Variants in ASCC2 observed in about 807,000 individuals in gnomAD.
ASCC2 encodes activating signal cointegrator 1 complex subunit 2, also known as ASC-1 complex subunit P100.
Under a neutral mutation model 93.5 loss-of-function variants are expected in ASCC2, and 42 were observed. The ratio of observed to expected loss-of-function variants is 0.45; its 90% CI spans 0.35 to 0.58. The LOEUF (loss-of-function observed/expected upper bound fraction) is 0.58, where lower values mean the gene tolerates loss of function less well. Ranked by LOEUF, ASCC2 falls within the 20% of genes least tolerant of loss-of-function variation. ASCC2 has a pLI of 0.00. For synonymous variants in ASCC2, 364 were observed against 384.2 expected (o/e 0.95, Z 0.62); for missense variants, 859 against 977.6 (o/e 0.88, Z 1.62).
intron 17 of ASCC2, 76 bp downstream of exon 17, chr22:29,793,283 GT>G (rs1347010021): frequency 6.3e-7 from 1 of 1,585,698 alleles, no homozygotes; most frequent in Non-Finnish European, 8.6e-7. Context: ...CCACATCTGT[GT>G]AAACAAGTGG....
At chr22:29,805,887 C>A (rs1280773677) in intron 12 of ASCC2, among the ~76,000 whole-genome samples, 1 of 151,792 alleles carries the variant, frequency 6.6e-6, no homozygotes, top group Non-Finnish European at 1.5e-5. Context: ...TGAAATCTTC[C>A]CACGTGACAC....
At chr22:29,833,809 G>A (rs2063440950) in intron 1 of ASCC2, among the ~76,000 whole-genome samples, 1 of 151,942 alleles carries the variant, frequency 6.6e-6, no homozygotes, top group Non-Finnish European at 1.5e-5. Context: ...TGAGCTACCA[G>A]CTGTGTCATA....
At chr22:29,814,796 C>T (rs1353560103) in intron 6 of ASCC2, 29 bp from the exon 7 acceptor site, 10 of 1,583,628 alleles carry the variant, frequency 6.3e-6, no homozygotes, top group Non-Finnish European at 7.8e-6. Context: ...GGCTCTCTCA[C>T]ATCATACTGA....
At chr22:29,800,425 C>G (rs1308659592) in intron 15 of ASCC2, among the ~76,000 whole-genome samples, 1 of 152,202 alleles carries the variant, frequency 6.6e-6, no homozygotes, top group Non-Finnish European at 1.5e-5. Context: ...TCACTCCCCA[C>G]TATATCCCCA....
intron 5 of ASCC2, among the ~76,000 whole-genome samples, chr22:29,820,442 G>A (rs1270096436): frequency 6.6e-6 from 1 of 151,910 alleles, no homozygotes; most frequent in Non-Finnish European, 1.5e-5. Context: ...GGTTACAGGC[G>A]TGAGCCACCT....
chr22:29,826,130 T>A (rs2062278442), intron 2 of ASCC2: 1 of 188,098 alleles, frequency 5.3e-6, no homozygotes, highest in Non-Finnish European at 1.1e-5. Context: ...AGCATAGTTT[T>A]CGGTCTTTAA....
At chr22:29,836,046 G>A (rs746689587) in intron 1 of ASCC2, among the ~76,000 whole-genome samples, 5 of 152,092 alleles carry the variant, frequency 3.3e-5, no homozygotes, top group African/African-American at 4.8e-5. Context: ...CCTGCAATCA[G>A]CACTTTGGGA....
chr22:29,827,477 G>A (rs1274140363), intron 2 of ASCC2: 2 of 427,630 alleles, frequency 4.7e-6, no homozygotes, highest in South Asian at 1.7e-5. Flanking sequence ...AGTGCCTTAC[G>A]CGAGTTTCCA....
At chr22:29,819,911 G>A (rs1437385533) in intron 5 of ASCC2, among the ~76,000 whole-genome samples, 2 of 152,144 alleles carry the variant, frequency 1.3e-5, no homozygotes, top group Non-Finnish European at 2.9e-5. Context: ...CCAGGCTGGA[G>A]TGTAGTGGTG....
Position 29,825,295 on chromosome 22 carries a change from T to G in ASCC2, c.241-38A>C. 1 of 1,505,784 alleles carries G rather than the reference T, an allele frequency of 6.6e-7. No homozygotes were observed. The highest frequency in any genetic ancestry group is 1.4e-5 in the South Asian group (1 of 73,660). 93.3% of individuals were successfully genotyped at this position (1,505,784 alleles called of 1,614,324 possible). A position where few individuals can be genotyped will look rare whatever the true frequency, so the allele number is the denominator to read the frequency against. On this transcript the variant is annotated intron_variant, in intron 3 of 19. Coordinates refer to ENST00000307790, the MANE Select transcript of ASCC2 (RefSeq NM_032204.5). The surrounding 1 kb of genome is among the most constrained non-coding windows in gnomAD (Gnocchi z 4.9). ...ACAGAGGAGAGCGAGGATTTATCCC[T>G]TAGGCCCCAGGGGCTTGTGGGTGGA...
At chr22:29,818,313 GAGAC>G (rs1352829788) in intron 5 of ASCC2, among the ~76,000 whole-genome samples, 1 of 151,950 alleles carries the variant, frequency 6.6e-6, no homozygotes, top group Non-Finnish European at 1.5e-5. Context: ...GTGTGTGAGA[GAGAC>G]AGACAGAAAA....
Position 29,824,251 on chromosome 22 carries a change from T to TACACAC in ASCC2, c.411+830_411+835dup, listed in dbSNP as rs60849755. On this transcript the variant is annotated intron_variant, in intron 4 of 19. Transcript: ENST00000307790. ...TTTTAAAAAGATCCTATTTTTTAAA[T>TACACAC]ACACACACACACACACACACACACA... 6.4e-3 allele frequency among the ~76,000 whole-genome samples: 938 copies of TACACAC among 146,544 alleles called. 9 individuals are homozygous for TACACAC. The highest frequency in any genetic ancestry group is 0.011 in the Middle Eastern group (3 of 278).
At chr22:29,808,452 T>A (rs1419683660) in intron 8 of ASCC2, among the ~76,000 whole-genome samples, 1 of 152,084 alleles carries the variant, frequency 6.6e-6, no homozygotes, top group African/African-American at 2.4e-5. Context: ...AACAGAGGAA[T>A]CAGAAGGCCA....
Position 29,793,499 on chromosome 22 carries a change from G to A in ASCC2, c.1789-9C>T. ...CCTGGCTGCAGTGGCACCTGCAATG[G>A]CATAAGCATGGGTCTGGGGGGCTCA... On this transcript the variant is annotated splice_polypyrimidine_tract_variant and intron_variant, in intron 16 of 19. Coordinates refer to ENST00000307790, the MANE Select transcript of ASCC2 (RefSeq NM_032204.5). 1 of 1,614,058 alleles carries A rather than the reference G, an allele frequency of 6.2e-7. No individual in the cohort carries two copies.
intron 15 of ASCC2, among the ~76,000 whole-genome samples, chr22:29,797,385 T>A (rs892713723): frequency 2.6e-5 from 4 of 152,184 alleles, no homozygotes; most frequent in Non-Finnish European, 5.9e-5. Context: ...AAAGAGCCTG[T>A]GGAAGCAACA....
intron 13 of ASCC2, among the ~76,000 whole-genome samples, chr22:29,802,500 A>T (rs202226742): frequency 1.3e-4 from 18 of 141,510 alleles, no homozygotes; most frequent in South Asian, 6.4e-4. Context: ...AACAAAAAAA[A>T]AAAATAAAAA....
intron 15 of ASCC2, 99 bp from the exon 16 acceptor site, chr22:29,793,775 C>A: frequency 8.9e-7 from 1 of 1,123,236 alleles, no homozygotes; most frequent in Non-Finnish European, 1.3e-6. Context: ...CTGCTCCAGC[C>A]CTCAGACTGT....
intron 12 of ASCC2, 40 bp from the exon 13 acceptor site, chr22:29,804,870 C>G: frequency 6.3e-7 from 1 of 1,592,110 alleles, no homozygotes; most frequent in Non-Finnish European, 8.6e-7. Flanking sequence ...AAGCTCCTAG[C>G]TCTGAAGCAG....
intron 18 of ASCC2, 114 bp from the exon 19 acceptor site, chr22:29,790,662 GGAA>G (rs1274951898): frequency 4.6e-6 from 5 of 1,096,220 alleles, no homozygotes; most frequent in Non-Finnish European, 6.8e-6. Flanking sequence ...AGGTGTGGGG[GGAA>G]GCTGCAGCCT....
Sources: allele counts gnomAD v4.1 joint callset (sites outside exome capture counted in the v4.1 genomes callset), GRCh38; gene constraint gnomAD v4.1.1; non-coding constraint Gnocchi (gnomAD v3.1); transcripts MANE v1.5; gene names NCBI Gene and HGNC (gene_info 2026-07-23, HGNC 2026-07-21).